FAM186B: variants seen among roughly 807,000 people sequenced by gnomAD.
FAM186B encodes protein FAM186B.
FAM186B carries 68 observed loss-of-function variants against 83.4 expected under a neutral mutation model. The observed-to-expected ratio is 0.81, with a 90% CI of 0.67 to 1.00. The LOEUF (loss-of-function observed/expected upper bound fraction) is 1.00. Ranked by LOEUF, FAM186B falls within the 50% of genes least tolerant of loss-of-function variation. The pLI, the probability that FAM186B is intolerant of heterozygous loss-of-function variation, is 0.00. For synonymous variants in FAM186B, 389 were observed against 422.0 expected, an observed-to-expected ratio of 0.92 and a Z score of 0.96; for missense variants, 983 against 1,099.2, an observed-to-expected ratio of 0.89 and a Z score of 1.49.
chr12:49,612,274 A>G, the FAM186B span, among the ~76,000 whole-genome samples: 4 of 152,192 alleles, frequency 2.6e-5, no homozygotes, highest in Admixed American at 6.5e-5. Flanking sequence ...CAGGCTTAAC[A>G]TAAAGGGTTG....
upstream of FAM186B, among the ~76,000 whole-genome samples, chr12:49,608,505 A>C (rs1940056019): frequency 6.6e-6 from 1 of 151,666 alleles, no homozygotes; most frequent in African/African-American, 2.4e-5. Flanking sequence ...AAAAAAAAAA[A>C]AACCAAAAAC....
chr12:49,619,591 A>G, the FAM186B span: 1 of 654,470 alleles, frequency 1.5e-6, no homozygotes, highest in African/African-American at 1.8e-5. Context: ...TGTATCGGGA[A>G]TTCTGGGCAA....
upstream of FAM186B, among the ~76,000 whole-genome samples, chr12:49,610,618 G>T (rs188607040): frequency 6.6e-6 from 1 of 151,724 alleles, no homozygotes; most frequent in Admixed American, 6.6e-5. Context: ...GTGAAACCCC[G>T]TCTCTACTAA....
rs562340022 is a variant in FAM186B, at chr12:49,592,740, C to T, written c.2365-4117G>A. Among the ~76,000 whole-genome samples, 30 of 152,042 alleles carry T rather than the reference C, an allele frequency of 2.0e-4. No individual in the cohort carries two copies. In the South Asian group the frequency reaches 5.6e-3, roughly 28 times the overall value. On this transcript the variant is annotated intron_variant, in intron 5 of 6. Coordinates refer to ENST00000257894, the MANE Select transcript of FAM186B (RefSeq NM_032130.3). Reference sequence around the variant, plus strand: ...GGCGGAGGTTATGGTGAGCTGAGATCGCACCACCACACTCCAGCTTAGGAG... The same window carrying T: ...GGCGGAGGTTATGGTGAGCTGAGATTGCACCACCACACTCCAGCTTAGGAG...
At chr12:49,585,337 C>T (rs1939418926), downstream of FAM186B, among the ~76,000 whole-genome samples, 1 of 152,138 alleles carries the variant, frequency 6.6e-6, no homozygotes, top group Admixed American at 6.5e-5. Flanking sequence ...GTGTTTTTAG[C>T]TGTGCAGGAA....
intron 3 of FAM186B, among the ~76,000 whole-genome samples, chr12:49,602,308 A>G (rs2138302567): frequency 6.6e-6 from 1 of 152,340 alleles, no homozygotes; most frequent in South Asian, 2.1e-4. Context: ...AGATTGCAGA[A>G]GAGATTGTTT....
chr12:49,599,686 T>A lies in FAM186B; in HGVS notation c.1954A>T (p.Ile652Leu). Residue 652 changes from isoleucine (I) to leucine (L), a missense_variant, in exon 4 of 7, where the codon ATA (isoleucine) becomes TTA (leucine). Ile to Leu is a conservative substitution (Grantham distance 5, BLOSUM62 2). Transcript: ENST00000257894. ...TTCTTCTTAATATTTGCAGGGGATA[T>A]CTGCAAAGAGGGCCAGGTCAGCCTT... ...IRRLTWPSLQ[I>L]SPANIKKKVY... 1 of 1,608,616 alleles carries A rather than the reference T, an allele frequency of 6.2e-7. No individual in the cohort carries two copies. The highest frequency in any genetic ancestry group is 8.5e-7 in the Non-Finnish European group (1 of 1,177,416).
chr12:49,616,274 C>T, the FAM186B span, among the ~76,000 whole-genome samples: 3 of 152,324 alleles, frequency 2.0e-5, no homozygotes, highest in South Asian at 6.2e-4. Context: ...AGGTCATTCA[C>T]CTGCCTCGAC....
At chr12:49,622,346 A>G in the FAM186B span, among the ~76,000 whole-genome samples, 2 of 152,332 alleles carry the variant, frequency 1.3e-5, no homozygotes, top group Non-Finnish European at 1.5e-5. Context: ...GTCGTCTCCA[A>G]AAAGTTACAA....
chr12:49,587,400 C>T (rs936047294), downstream of FAM186B: 21 of 635,516 alleles, frequency 3.3e-5, no homozygotes, highest in Non-Finnish European at 5.2e-5. Context: ...AACCCTTCAC[C>T]AGAACCGAAG....
At chr12:49,619,027 CT>C in the FAM186B span, among the ~76,000 whole-genome samples, 1 of 152,228 alleles carries the variant, frequency 6.6e-6, no homozygotes, top group African/African-American at 2.4e-5. Context: ...AGGCTTCAGA[CT>C]TCTCATTCTC....
Position 49,604,626 on chromosome 12 carries a change from T to TA in FAM186B, c.97-89dup, listed in dbSNP as rs1382263441. Reference sequence around the variant, plus strand: ...GCAGCGTGACCTTGGACAAGTCGCTTAGCCTCTTTGGGTCTCAGTTTTCTT... The same window carrying TA: ...GCAGCGTGACCTTGGACAAGTCGCTTAAGCCTCTTTGGGTCTCAGTTTTCTT... On this transcript the variant is annotated intron_variant, in intron 1 of 6. Coordinates refer to ENST00000257894, the MANE Select transcript of FAM186B (RefSeq NM_032130.3). 3.0e-5 allele frequency: 32 copies of TA among 1,056,326 alleles called. No individual in the cohort carries two copies. In the African/African-American group the frequency reaches 3.8e-4, roughly 13 times the overall value. The allele number at this position is 1,056,326 out of a possible 1,614,324, so 65.4% of individuals were successfully genotyped here. A position where few individuals can be genotyped will look rare whatever the true frequency, so the allele number is the denominator to read the frequency against.
intron 5 of FAM186B, among the ~76,000 whole-genome samples, chr12:49,596,323 C>CAAAA (rs933362822): frequency 3.9e-4 from 25 of 64,248 alleles, no homozygotes; most frequent in African/African-American, 6.3e-4. Flanking sequence ...ACCCCCGTCT[C>CAAAA]AAAAAAAAAA....
At chr12:49,608,181 T>TTCA, upstream of FAM186B, among the ~76,000 whole-genome samples, 1 of 150,672 alleles carries the variant, frequency 6.6e-6, no homozygotes, top group East Asian at 2.0e-4. Flanking sequence ...TTAGCAAGAC[T>TTCA]TCATACCTTA....
At chr12:49,598,281 G>A (rs1939774044) in intron 5 of FAM186B, among the ~76,000 whole-genome samples, 1 of 152,120 alleles carries the variant, frequency 6.6e-6, no homozygotes, top group Non-Finnish European at 1.5e-5. Flanking sequence ...GAAGAGACCT[G>A]GAATCTAGAA....
chr12:49,610,160 ATAT>A (rs1469028629), upstream of FAM186B, among the ~76,000 whole-genome samples: 1 of 151,662 alleles, frequency 6.6e-6, no homozygotes, highest in East Asian at 1.9e-4. Context: ...AAAAAAACCG[ATAT>A]TATAGGGAAA....
At chr12:49,598,697 A>G in intron 5 of FAM186B, 58 bp downstream of exon 5, 1 of 1,504,072 alleles carries the variant, frequency 6.6e-7, no homozygotes, top group Admixed American at 2.1e-5. Flanking sequence ...CCCCAAGCCG[A>G]CTGGCTGTGC....
chr12:49,614,678 T>C, the FAM186B span, among the ~76,000 whole-genome samples: 1 of 152,078 alleles, frequency 6.6e-6, no homozygotes, highest in African/African-American at 2.4e-5. Context: ...AACCACAACA[T>C]TCACGCAATA....
chr12:49,593,463 G>A (rs1190856657), intron 5 of FAM186B, among the ~76,000 whole-genome samples: 4 of 150,136 alleles, frequency 2.7e-5, no homozygotes, highest in Admixed American at 6.6e-5. Flanking sequence ...GGCGAACCCC[G>A]TCTCTACTAA....
Sources: allele counts gnomAD v4.1 joint callset (sites outside exome capture counted in the v4.1 genomes callset), GRCh38; gene constraint gnomAD v4.1.1; transcripts MANE v1.5; gene names NCBI Gene and HGNC (gene_info 2026-07-23, HGNC 2026-07-21).